The following TFEC variants were observed in gnomAD, a reference collection of about 807,000 sequenced individuals.
The protein encoded by TFEC is class E basic helix-loop-helix protein 34.
In TFEC, 31 loss-of-function variants were observed where a neutral mutation model predicts 41.6. The ratio of observed to expected loss-of-function variants is 0.74; its 90% CI spans 0.56 to 1.01. The LOEUF (loss-of-function observed/expected upper bound fraction) is 1.01, where lower values mean the gene tolerates loss of function less well. Among genes scored for constraint, TFEC ranks in the 50% least tolerant of loss-of-function variants. The pLI is 0.00. For missense variants in TFEC, 402 were observed against 404.1 expected (o/e 0.99, Z 0.04); for synonymous variants, 143 against 140.6 (o/e 1.02, Z -0.12).
At chr7:116,002,285 C>A (rs1769028720) in intron 1 of TFEC, among the ~76,000 whole-genome samples, 1 of 152,164 alleles carries the variant, frequency 6.6e-6, no homozygotes, top group Non-Finnish European at 1.5e-5. Context: ...AAGGATCTAT[C>A]AACATATGAA....
At chr7:116,007,769 C>T (rs967167957) in intron 1 of TFEC, among the ~76,000 whole-genome samples, 2 of 152,164 alleles carry the variant, frequency 1.3e-5, no homozygotes, top group Admixed American at 1.3e-4. Flanking sequence ...ATAAGACTGT[C>T]TACTTGCATC....
rs181212402 is a variant in TFEC, at chr7:116,058,902, C to T, written c.198+51806G>A. 7.4e-4 allele frequency among the ~76,000 whole-genome samples: 112 copies of T among 151,556 alleles called. 1 individual carries two copies. Among genetic ancestry groups the T allele is most frequent in the Non-Finnish European group, 1.2e-3 (81 of 67,670 alleles). ...ATGCCGATAAAGCAATATTGAGGGA[C>T]GAATTTTTAGTACTAAATGCCTGTA... On this transcript the variant is annotated intron_variant, in intron 3 of 8. Coordinates refer to the TFEC transcript ENST00000484212.
At chr7:115,988,311 A>G (rs1043659432) in intron 1 of TFEC, among the ~76,000 whole-genome samples, 1 of 152,194 alleles carries the variant, frequency 6.6e-6, no homozygotes, top group Non-Finnish European at 1.5e-5. Context: ...TAATATGCTA[A>G]TAGATAAAGT....
At chr7:116,149,238 C>A (rs1384653561) in intron 1 of TFEC, among the ~76,000 whole-genome samples, 1 of 151,966 alleles carries the variant, frequency 6.6e-6, no homozygotes, top group East Asian at 1.9e-4. Flanking sequence ...GCAAAGTTGA[C>A]CAAGGGGAAT....
chr7:115,992,190 G>A (rs1794150575), intron 1 of TFEC, among the ~76,000 whole-genome samples: 1 of 152,176 alleles, frequency 6.6e-6, no homozygotes. Context: ...CAGAATCTCT[G>A]GGACACATTT....
intron 1 of TFEC, among the ~76,000 whole-genome samples, chr7:115,984,980 A>G (rs1793787023): frequency 6.6e-6 from 1 of 152,144 alleles, no homozygotes; most frequent in Non-Finnish European, 1.5e-5. Context: ...GGAACTAGAA[A>G]TATATGTACA....
At chr7:115,946,238 A>G (rs1009447017) in intron 6 of TFEC, among the ~76,000 whole-genome samples, 18 of 150,922 alleles carry the variant, frequency 1.2e-4, no homozygotes, top group Admixed American at 9.3e-4. Flanking sequence ...TAGAGTCTAA[A>G]TTAGGCCTGA....
chr7:115,959,932 A>C (rs1792444184), intron 3 of TFEC, among the ~76,000 whole-genome samples: 1 of 151,588 alleles, frequency 6.6e-6, no homozygotes, highest in East Asian at 1.9e-4. Flanking sequence ...TGGAAGAAAG[A>C]ATTTTTTAAA....
intron 1 of TFEC, among the ~76,000 whole-genome samples, chr7:116,152,553 G>C: frequency 6.6e-6 from 1 of 152,114 alleles, no homozygotes; most frequent in East Asian, 1.9e-4. Flanking sequence ...AGGAGCAGAA[G>C]GAACAATTTC....
At chr7:115,973,954 CAGAG>C (rs1400303995) in intron 3 of TFEC, among the ~76,000 whole-genome samples, 2 of 151,914 alleles carry the variant, frequency 1.3e-5, no homozygotes, top group Non-Finnish European at 2.9e-5. Flanking sequence ...TAGGATTAGA[CAGAG>C]AGAGACAGAG....
intron 7 of TFEC, 113 bp downstream of exon 7, chr7:115,941,780 A>G: frequency 7.1e-7 from 1 of 1,407,408 alleles, no homozygotes; most frequent in Non-Finnish European, 9.6e-7. Context: ...TTATCCTTCA[A>G]AAGGAAAAAT....
At chr7:116,069,945 T>C (rs1373562516) in intron 3 of TFEC, among the ~76,000 whole-genome samples, 1 of 151,582 alleles carries the variant, frequency 6.6e-6, no homozygotes, top group African/African-American at 2.4e-5. Flanking sequence ...CTGCTTCTTT[T>C]AAAACAATAT....
At chr7:116,017,208 A>C (rs1210634744) in intron 1 of TFEC, among the ~76,000 whole-genome samples, 3 of 152,006 alleles carry the variant, frequency 2.0e-5, no homozygotes, top group Non-Finnish European at 4.4e-5. Context: ...AAAATCTTTC[A>C]ATTGCTTTCC....
chr7:115,979,294 C>A (rs1016601076), intron 2 of TFEC, among the ~76,000 whole-genome samples: 1 of 152,144 alleles, frequency 6.6e-6, no homozygotes, highest in East Asian at 1.9e-4. Context: ...TTACTTACTT[C>A]TTTGATGTCA....
intron 1 of TFEC, among the ~76,000 whole-genome samples, chr7:116,017,335 C>T (rs1024769282): frequency 1.3e-5 from 2 of 152,178 alleles, no homozygotes; most frequent in African/African-American, 2.4e-5. Flanking sequence ...GATTCTCCTG[C>T]CTCAGCCTCC....
At chr7:116,103,620 T>C (rs985785325) in intron 3 of TFEC, among the ~76,000 whole-genome samples, 1 of 152,154 alleles carries the variant, frequency 6.6e-6, no homozygotes, top group Non-Finnish European at 1.5e-5. Context: ...TTTTTGTCAA[T>C]TATCTATATC....
At chr7:116,143,537 A>G (rs1247334242) in intron 1 of TFEC, among the ~76,000 whole-genome samples, 1 of 152,256 alleles carries the variant, frequency 6.6e-6, no homozygotes, top group Non-Finnish European at 1.5e-5. Context: ...GGAAGTAGAC[A>G]GAGAAAACAT....
intron 2 of TFEC, among the ~76,000 whole-genome samples, 195 bp from the exon 3 acceptor site, chr7:115,974,451 A>ATATATATATATATATATAT (rs869072558): frequency 1.1e-4 from 3 of 26,380 alleles, no homozygotes; most frequent in Non-Finnish European, 2.1e-4. Context: ...TATATATATA[A>ATATATATATATATATATAT]AAACACAGAT....
intron 3 of TFEC, among the ~76,000 whole-genome samples, chr7:116,073,463 T>TA (rs1796878646): frequency 1.3e-5 from 2 of 151,758 alleles, no homozygotes; most frequent in Non-Finnish European, 3.0e-5. Context: ...TTTTTTTTTT[T>TA]ATTATACTTT....
Sources: gnomAD v4.1 joint callset for allele counts (sites outside exome capture counted in the v4.1 genomes callset) on GRCh38, gnomAD v4.1.1 for gene constraint, MANE v1.5 for transcripts, NCBI Gene and HGNC (gene_info 2026-07-23, HGNC 2026-07-21) for gene names.